The following SYNE2 variants were observed in gnomAD, a reference collection of about 807,000 sequenced individuals.
SYNE2 encodes spectrin repeat containing nuclear envelope protein 2.
In SYNE2, 431 loss-of-function variants were observed where a neutral mutation model predicts 856.3. The observed-to-expected ratio is 0.50, with a 90% CI of 0.47 to 0.55. The LOEUF (loss-of-function observed/expected upper bound fraction) is 0.55. SYNE2 is among the 20% of genes least tolerant of loss of function. The pLI is 0.00. For synonymous variants in SYNE2, 2,923 were observed against 2,872.3 expected (o/e 1.02, Z -0.56); for missense variants, 8,129 against 8,023.2 (o/e 1.01, Z -0.50).
intron 58 of SYNE2, among the ~76,000 whole-genome samples, chr14:64,088,640 T>C (rs1287199839): frequency 6.6e-6 from 1 of 152,178 alleles, no homozygotes; most frequent in Non-Finnish European, 1.5e-5. Context: ...GTAAAACAGG[T>C]AGTCCCAAGT....
Position 64,190,097 on chromosome 14 carries a change from T to C in SYNE2, c.17898T>C (p.Phe5966=). 1.2e-6 allele frequency: 2 copies of C among 1,614,098 alleles called. No homozygotes were observed. The highest frequency in any genetic ancestry group is 1.3e-5 in the African/African-American group (1 of 75,008). ...QKDCMEEINL[F]SENKLQLKQM... ...ACTGCATGGAAGAAATAAACTTGTT[T>C]AGTGAAAACAAGTTACAGTTAAAGC... is the stretch of plus-strand genomic sequence containing the variant. The change falls in exon 99 of 116, where the codon TTT becomes TTC. Residue 5966 remains phenylalanine (F), a synonymous_variant. Coordinates refer to ENST00000555002, the MANE Select transcript of SYNE2 (RefSeq NM_182914.3).
At chr14:64,085,372 C>T (rs2153618254) in intron 57 of SYNE2, among the ~76,000 whole-genome samples, 1 of 152,162 alleles carries the variant, frequency 6.6e-6, no homozygotes, top group East Asian at 1.9e-4. Context: ...GTCTGGCCTG[C>T]ATTCAAGGAA....
chr14:64,046,071 C>T (rs1056585354), intron 45 of SYNE2, among the ~76,000 whole-genome samples: 12 of 152,160 alleles, frequency 7.9e-5, no homozygotes, highest in African/African-American at 2.9e-4. Flanking sequence ...AATGATTTTT[C>T]ATATATAAAG....
chr14:63,929,119 C>T (rs1180970342), intron 2 of SYNE2, among the ~76,000 whole-genome samples: 3 of 151,982 alleles, frequency 2.0e-5, no homozygotes, highest in African/African-American at 7.3e-5. Flanking sequence ...TCTAATGAGG[C>T]CACTCTTGAT....
At chr14:63,816,603 C>T (rs570502445) in intron 1 of SYNE2, among the ~76,000 whole-genome samples, 1 of 151,944 alleles carries the variant, frequency 6.6e-6, no homozygotes, top group South Asian at 2.1e-4. Context: ...TCATAAGACC[C>T]TCATATAAGA....
intron 1 of SYNE2, among the ~76,000 whole-genome samples, chr14:63,879,226 C>T (rs946295108): frequency 5.9e-5 from 9 of 152,176 alleles, no homozygotes; most frequent in African/African-American, 1.9e-4. Context: ...TCCTTTTGTG[C>T]AAGTTTTATC....
chr14:64,021,191 G>C (rs1594916347), intron 35 of SYNE2, 124 bp from the exon 36 acceptor site: 2 of 787,568 alleles, frequency 2.5e-6, no homozygotes, highest in East Asian at 5.3e-5. Flanking sequence ...AAAACGTAGA[G>C]CAATGAAAAG....
intron 1 of SYNE2, among the ~76,000 whole-genome samples, chr14:63,810,745 T>C (rs559693684): frequency 6.6e-6 from 1 of 152,386 alleles, no homozygotes; most frequent in South Asian, 2.1e-4. Context: ...CTATAGCTTA[T>C]AGCAATTTAG....
chr14:64,091,708 T>G (rs141923988), intron 60 of SYNE2, among the ~76,000 whole-genome samples: 1 of 152,314 alleles, frequency 6.6e-6, no homozygotes, highest in Non-Finnish European at 1.5e-5. Flanking sequence ...GAATCATCAT[T>G]AGTTAGGAAT....
chr14:64,141,332 C>G lies in SYNE2; in HGVS notation c.14977-9C>G, dbSNP rs772618998. ...TTTTAAGTTTCTAAATTTTAAAACT[C>G]TCCTTTAGGAGTTTTCAAAAGAAGT... On this transcript the variant is annotated splice_polypyrimidine_tract_variant and intron_variant, in intron 80 of 115. Transcript: ENST00000555002. 9 of 1,607,626 alleles carry G rather than the reference C, an allele frequency of 5.6e-6. No homozygotes were observed. The highest frequency in any genetic ancestry group is 1.7e-6 in the Non-Finnish European group (2 of 1,176,782).
intron 2 of SYNE2, among the ~76,000 whole-genome samples, chr14:63,919,332 G>A (rs1025239127): frequency 5.3e-5 from 8 of 152,308 alleles, no homozygotes; most frequent in Non-Finnish European, 8.8e-5. Flanking sequence ...ATCAGAGAAG[G>A]CCTCTTTGAG....
intron 18 of SYNE2, 77 bp downstream of exon 18, chr14:63,983,963 C>T (rs971198741): frequency 1.9e-5 from 21 of 1,111,548 alleles, no homozygotes; most frequent in East Asian, 5.3e-5. Flanking sequence ...AAGATATTGC[C>T]GGGCACGGTG....
In SYNE2 at chr14:63,895,624, CTGGGCAGGT is replaced by C. The variant is rs201410973; in HGVS notation, c.-51-13473_-51-13465del. 4.2e-3 allele frequency among the ~76,000 whole-genome samples: 629 copies of C among 148,338 alleles called. 17 individuals are homozygous for C. The highest frequency in any genetic ancestry group is 0.038 in the Admixed American group (562 of 14,830). ...AAAAAAAAAAAAATTCAGAAATTAG[CTGGGCAGGT>C]GGTGTGTGCCTATTGTCCCAGGTAC... On this transcript the variant is annotated intron_variant, in intron 1 of 115. Transcript: ENST00000555002.
chr14:63,805,594 C>G (rs543287737), intron 1 of SYNE2, among the ~76,000 whole-genome samples: 1 of 152,092 alleles, frequency 6.6e-6, no homozygotes, highest in African/African-American at 2.4e-5. Context: ...TCACTGTGGT[C>G]TCTATCTCCT....
intron 46 of SYNE2, 53 bp from the exon 47 acceptor site, chr14:64,049,558 T>G: frequency 6.3e-7 from 1 of 1,580,376 alleles, no homozygotes; most frequent in East Asian, 2.2e-5. Context: ...ATGAATGAAT[T>G]AATGCATAAA....
At chr14:64,029,209 A>T (rs1020627054) in intron 43 of SYNE2, among the ~76,000 whole-genome samples, 9 of 152,200 alleles carry the variant, frequency 5.9e-5, no homozygotes, top group African/African-American at 2.2e-4. Context: ...AAGTGTTTAT[A>T]ATTCTTTGTA....
intron 7 of SYNE2, among the ~76,000 whole-genome samples, chr14:63,953,129 G>A (rs890376021): frequency 3.9e-5 from 6 of 152,222 alleles, no homozygotes; most frequent in African/African-American, 1.4e-4. Flanking sequence ...CTTGCATCCT[G>A]ATGGGGAAAG....
chr14:64,098,613 CAGG>C (rs2097696164), intron 62 of SYNE2, 131 bp from the exon 63 acceptor site: 1 of 858,776 alleles, frequency 1.2e-6, no homozygotes, highest in Non-Finnish European at 1.9e-6. Flanking sequence ...GACCAGGAGA[CAGG>C]CTTCTTGTGG....
At chr14:64,136,415 C>T in intron 78 of SYNE2, among the ~76,000 whole-genome samples, 1 of 148,548 alleles carries the variant, frequency 6.7e-6, no homozygotes, top group African/African-American at 2.5e-5. Context: ...AATACAGATG[C>T]TCAGACACGG....
Sources: gnomAD v4.1 joint callset for allele counts (sites outside exome capture counted in the v4.1 genomes callset) on GRCh38, gnomAD v4.1.1 for gene constraint, MANE v1.5 for transcripts, NCBI Gene and HGNC (gene_info 2026-07-23, HGNC 2026-07-21) for gene names.